Variants in LRP11 observed in about 807,000 individuals in gnomAD.
LRP11 encodes the protein LDL receptor related protein 11, also known as low-density lipoprotein receptor-related protein 11.
In LRP11, 25 loss-of-function variants were observed where a neutral mutation model predicts 43.1. That is an observed-to-expected ratio of 0.58 (90% CI 0.42 to 0.81). The LOEUF (loss-of-function observed/expected upper bound fraction) is 0.81, where lower values mean the gene tolerates loss of function less well. Among genes scored for constraint, LRP11 ranks in the 30% least tolerant of loss-of-function variants. The probability of loss-of-function intolerance (pLI) is 0.00; values close to 1 mark genes in which losing one functional copy is unlikely to be tolerated. For synonymous variants in LRP11, 316 were observed against 299.4 expected, an observed-to-expected ratio of 1.06 and a Z score of -0.57; for missense variants, 623 against 665.1, an observed-to-expected ratio of 0.94 and a Z score of 0.70.
At chr6:149,820,726 G>A (rs990554875) in intron 6 of LRP11, 23 bp from the exon 7 acceptor site, 2 of 780,206 alleles carry the variant, frequency 2.6e-6, no homozygotes, top group African/African-American at 3.4e-5. Flanking sequence ...TAGACATGAA[G>A]AGGGCAAGCC....
Position 149,837,399 on chromosome 6 carries a change from C to T in LRP11, c.978G>A (p.Thr326=), listed in dbSNP as rs141829842. The change falls in exon 4 of 7, where the codon ACG becomes ACA. Residue 326 remains threonine, a synonymous_variant. Transcript: ENST00000239367. ...ACTGCTGCACTCCATCGCAGGCGAG[C>T]GTGATGTCAATGCAGCAGCCATCGT... ...FCDDGCCIDI[T]LACDGVQQCP... 1.8e-5 allele frequency: 29 copies of T among 1,613,912 alleles called. No individual in the cohort carries two copies. Among genetic ancestry groups the T allele is most frequent in the African/African-American group, 1.7e-4 (13 of 74,870 alleles).
In LRP11 at chr6:149,853,002, C is replaced by A. The variant is rs1354742224; in HGVS notation, c.771+1G>T. ...TTGTTAGCAGTGACAACATGCGTTA[C>A]CTTCATGTCCACTGACGGGTCCCCC... On this transcript the variant is annotated splice_donor_variant, in intron 2 of 6. Transcript: ENST00000239367. LOFTEE classifies it high-confidence loss of function. 1 of 1,586,428 alleles carries A rather than the reference C, an allele frequency of 6.3e-7. No homozygotes were observed. Among genetic ancestry groups the A allele is most frequent in the East Asian group, 2.3e-5 (1 of 44,202 alleles).
At chr6:149,823,379 C>A (rs1449344793) in intron 6 of LRP11, among the ~76,000 whole-genome samples, 1 of 152,036 alleles carries the variant, frequency 6.6e-6, no homozygotes, top group African/African-American at 2.4e-5. Context: ...CACGGGAGAG[C>A]TAGGAGATGA....
chr6:149,860,658 C>T (rs7766951), intron 1 of LRP11, among the ~76,000 whole-genome samples: 1,762 of 152,264 alleles, frequency 0.012, 34 homozygotes, highest in African/African-American at 0.041. Flanking sequence ...TTCAAGCACC[C>T]TCCTCTGTTC....
At chr6:149,854,885 T>A (rs1308729459) in intron 1 of LRP11, among the ~76,000 whole-genome samples, 3 of 152,200 alleles carry the variant, frequency 2.0e-5, no homozygotes, top group Non-Finnish European at 4.4e-5. Context: ...CTTACTGCAA[T>A]CCCACCTCAG....
chr6:149,855,742 C>T (rs1315217881), intron 1 of LRP11, among the ~76,000 whole-genome samples: 2 of 148,866 alleles, frequency 1.3e-5, no homozygotes, highest in African/African-American at 5.0e-5. Flanking sequence ...AGGAATTAAG[C>T]ACAATTGCTT....
At chr6:149,853,628 C>T (rs60328093) in intron 1 of LRP11, among the ~76,000 whole-genome samples, 16,417 of 152,220 alleles carry the variant, frequency 0.11, 2,434 homozygotes, top group African/African-American at 0.34. Flanking sequence ...CTGCCTCAAC[C>T]GCCCGAGTAG....
rs200000409 is a variant in LRP11 at position 149,859,395 on chromosome 6, TA to T, written c.613+4012del. ...GCTGACTCATATATATATATATATA[TA>T]TTTTTTTTTTTTTTTTTTTGACCGA... On this transcript the variant is annotated intron_variant, in intron 1 of 6. Coordinates refer to ENST00000239367, the MANE Select transcript of LRP11 (RefSeq NM_032832.6). Among the ~76,000 whole-genome samples, 17 of 95,048 alleles carry T rather than the reference TA, an allele frequency of 1.8e-4. 1 individual carries two copies. Among genetic ancestry groups the T allele is most frequent in the East Asian group, 6.1e-4 (1 of 1,636 alleles). The allele number at this position is 95,048 out of a possible 152,430, so 62.4% of individuals were successfully genotyped here.
chr6:149,855,712 T>TA (rs533657838), intron 1 of LRP11, among the ~76,000 whole-genome samples: 150 of 122,594 alleles, frequency 1.2e-3, no homozygotes, highest in Admixed American at 1.6e-3. Flanking sequence ...TTTTTTTTTT[T>TA]AAAAAAAAAA....
At chr6:149,839,435 A>T (rs1041445532) in intron 3 of LRP11, among the ~76,000 whole-genome samples, 5 of 152,134 alleles carry the variant, frequency 3.3e-5, no homozygotes, top group African/African-American at 9.7e-5. Flanking sequence ...GAGGTGGGGG[A>T]CACGCTGGAT....
At chr6:149,861,340 C>G (rs1776890556) in intron 1 of LRP11, among the ~76,000 whole-genome samples, 1 of 152,144 alleles carries the variant, frequency 6.6e-6, no homozygotes, top group Non-Finnish European at 1.5e-5. Flanking sequence ...GCTGGGACCT[C>G]AGGAAGTCTG....
At chr6:149,843,683 CTCA>C (rs764362493) in intron 2 of LRP11, among the ~76,000 whole-genome samples, 4 of 152,156 alleles carry the variant, frequency 2.6e-5, no homozygotes, top group African/African-American at 7.2e-5. Context: ...TCAAGTTTCT[CTCA>C]TCCTAAGAAA....
At chr6:149,838,502 G>A (rs1039081591) in intron 3 of LRP11, among the ~76,000 whole-genome samples, 7 of 151,392 alleles carry the variant, frequency 4.6e-5, no homozygotes, top group Admixed American at 2.0e-4. Context: ...TGGCTAACAC[G>A]GTGAAACCCC....
At chr6:149,862,648 C>T (rs1358471382) in intron 1 of LRP11, among the ~76,000 whole-genome samples, 2 of 145,406 alleles carry the variant, frequency 1.4e-5, no homozygotes, top group Non-Finnish European at 3.0e-5. Flanking sequence ...GGCGCGATCT[C>T]GGCTCACTGC....
intron 3 of LRP11, among the ~76,000 whole-genome samples, chr6:149,838,442 T>G (rs1449280374): frequency 6.6e-6 from 1 of 151,474 alleles, no homozygotes; most frequent in Non-Finnish European, 1.5e-5. Flanking sequence ...TCCCAGCACT[T>G]TGGGAAGCTA....
intron 2 of LRP11, among the ~76,000 whole-genome samples, chr6:149,844,162 A>G (rs1032922714): frequency 5.3e-5 from 8 of 151,846 alleles, no homozygotes; most frequent in Admixed American, 2.0e-4. Context: ...CTGAGGCAGG[A>G]GAATCGCTTA....
rs1256830222 is a variant in LRP11 at position 149,863,389 on chromosome 6, C to A, written c.613+19G>T. ...CTCGAGCGCTCTGGCCAAGGCCGGC[C>A]CCTCAGTCGCGCGCTTACCCTGCCG... On this transcript the variant is annotated intron_variant, in intron 1 of 6. Transcript: ENST00000239367. The A allele has an allele frequency of 1.5e-6, 2 of 1,333,238 alleles. No individual in the cohort carries two copies. Among genetic ancestry groups the A allele is most frequent in the African/African-American group, 1.5e-5 (1 of 66,086 alleles). The allele number at this position is 1,333,238 out of a possible 1,614,324, so 82.6% of individuals were successfully genotyped here.
intron 3 of LRP11, among the ~76,000 whole-genome samples, chr6:149,838,139 G>C (rs904995055): frequency 2.0e-4 from 31 of 151,752 alleles, no homozygotes; most frequent in African/African-American, 7.5e-4. Flanking sequence ...GGCTGGTCTC[G>C]AACTCCTGAC....
At chr6:149,860,591 A>G (rs1445723942) in intron 1 of LRP11, among the ~76,000 whole-genome samples, 1 of 152,116 alleles carries the variant, frequency 6.6e-6, no homozygotes, top group East Asian at 1.9e-4. Context: ...ACAAGCAGAC[A>G]CCAAGTCCTG....
Sources: allele counts gnomAD v4.1 joint callset (sites outside exome capture counted in the v4.1 genomes callset), GRCh38; gene constraint gnomAD v4.1.1; transcripts MANE v1.5; gene names NCBI Gene and HGNC (gene_info 2026-07-23, HGNC 2026-07-21).